The following SPATA6 variants were observed in gnomAD, a reference collection of about 807,000 sequenced individuals.
SPATA6 encodes the protein spermatogenesis associated 6.
SPATA6 carries 56 observed loss-of-function variants against 65.3 expected under a neutral mutation model. The observed-to-expected ratio is 0.86, with a 90% CI of 0.69 to 1.07. The LOEUF (loss-of-function observed/expected upper bound fraction) is 1.07, where lower values mean the gene tolerates loss of function less well. Ranked by LOEUF, SPATA6 falls within the 50% of genes least tolerant of loss-of-function variation. The pLI, the probability that SPATA6 is intolerant of heterozygous loss-of-function variation, is 0.00. For missense variants in SPATA6, 590 were observed against 594.8 expected (o/e 0.99, Z 0.08); for synonymous variants, 199 against 213.2 (o/e 0.93, Z 0.58).
the SPATA6 span, among the ~76,000 whole-genome samples, chr1:48,267,250 C>T: frequency 6.6e-6 from 1 of 152,098 alleles, no homozygotes; most frequent in South Asian, 2.1e-4. Context: ...ACGGCTGCAT[C>T]TAGGGTTTAG....
chr1:48,315,499 C>G (rs1042276030), intron 11 of SPATA6, among the ~76,000 whole-genome samples: 4 of 152,114 alleles, frequency 2.6e-5, no homozygotes, highest in Non-Finnish European at 5.9e-5. Flanking sequence ...AACCTTCATG[C>G]TAAAAACTCT....
At chr1:48,285,107 T>G in the SPATA6 span, among the ~76,000 whole-genome samples, 1 of 152,268 alleles carries the variant, frequency 6.6e-6, no homozygotes, top group Non-Finnish European at 1.5e-5. Context: ...GCTGCTGACT[T>G]TCTTTCAGAG....
At chr1:48,459,432 AAC>A (rs1283100977) in intron 1 of SPATA6, among the ~76,000 whole-genome samples, 3 of 152,154 alleles carry the variant, frequency 2.0e-5, no homozygotes, top group Non-Finnish European at 4.4e-5. Context: ...TTGATTTACT[AAC>A]ACAATCAAAT....
intron 11 of SPATA6, among the ~76,000 whole-genome samples, chr1:48,347,406 T>C (rs888771433): frequency 1.3e-5 from 2 of 148,858 alleles, no homozygotes; most frequent in African/African-American, 4.9e-5. Context: ...TACGGGCCTA[T>C]GTATATATAA....
chr1:48,264,370 A>G, the SPATA6 span, among the ~76,000 whole-genome samples: 1 of 151,866 alleles, frequency 6.6e-6, no homozygotes, highest in Non-Finnish European at 1.5e-5. Context: ...CATATTAAAA[A>G]TCTTTTTTTG....
the SPATA6 span, among the ~76,000 whole-genome samples, chr1:48,275,835 A>C: frequency 6.6e-6 from 1 of 152,150 alleles, no homozygotes; most frequent in African/African-American, 2.4e-5. Flanking sequence ...TATCAGGATG[A>C]TGCTGGACTC....
At chr1:48,286,796 G>T in the SPATA6 span, among the ~76,000 whole-genome samples, 1 of 152,074 alleles carries the variant, frequency 6.6e-6, no homozygotes, top group Admixed American at 6.6e-5. Context: ...AGCACTTTGG[G>T]GAGGTCAAGG....
chr1:48,355,017 C>A (rs1646618514), intron 11 of SPATA6, among the ~76,000 whole-genome samples: 1 of 151,988 alleles, frequency 6.6e-6, no homozygotes, highest in Non-Finnish European at 1.5e-5. Flanking sequence ...TATACCCCCC[C>A]AAGACTAATC....
chr1:48,459,355 T>C (rs950767347), intron 1 of SPATA6, among the ~76,000 whole-genome samples: 9 of 151,986 alleles, frequency 5.9e-5, no homozygotes, highest in Admixed American at 5.2e-4. Context: ...TAATATGACA[T>C]AAAGTAGACT....
intron 3 of SPATA6, among the ~76,000 whole-genome samples, chr1:48,420,294 T>C (rs78286000): frequency 0.066 from 10,090 of 152,258 alleles, 428 homozygotes; most frequent in Non-Finnish European, 0.093. Flanking sequence ...ATATTCTTTA[T>C]ACTAGCCTTT....
At chr1:48,401,472 T>TTA (rs1390719522) in intron 6 of SPATA6, among the ~76,000 whole-genome samples, 2 of 152,120 alleles carry the variant, frequency 1.3e-5, no homozygotes, top group African/African-American at 4.8e-5. Context: ...AGTGACTGTG[T>TTA]TATACCATTT....
intron 3 of SPATA6, among the ~76,000 whole-genome samples, chr1:48,442,259 G>A (rs1172816735): frequency 6.6e-6 from 1 of 152,134 alleles, no homozygotes; most frequent in African/African-American, 2.4e-5. Context: ...AACTGGGAAA[G>A]GGAAAAAGAA....
At chr1:48,408,791 T>C (rs775215241) in intron 5 of SPATA6, among the ~76,000 whole-genome samples, 6 of 152,166 alleles carry the variant, frequency 3.9e-5, no homozygotes, top group Non-Finnish European at 7.3e-5. Context: ...ATTCCCATTT[T>C]TTAAACCATC....
rs773531346 is a variant in SPATA6, at chr1:48,359,668, T to C, written c.1012A>G (p.Thr338Ala). The change falls in exon 10 of 13, where the codon ACC becomes GCC. Residue 338 changes from threonine to alanine, a missense_variant. By Grantham distance (58) the Thr-to-Ala change is moderately conservative. Transcript: ENST00000371847. The stretch of plus-strand genomic sequence containing the variant: ...GAGGGTGCTGAATGGACTAGCAAGG[T>C]CCTCGCTGAATGCCGGGGCTTACTA... ...SCSKPRHSAR[T>A]LLVHSAPSTM... 6 of 1,613,740 alleles carry C rather than the reference T, an allele frequency of 3.7e-6. No homozygotes were observed. The highest frequency in any genetic ancestry group is 5.1e-6 in the Non-Finnish European group (6 of 1,179,808).
chr1:48,428,849 A>G (rs968217773), intron 3 of SPATA6, among the ~76,000 whole-genome samples: 1 of 131,500 alleles, frequency 7.6e-6, no homozygotes, highest in African/African-American at 2.7e-5. Flanking sequence ...GTGTATATAT[A>G]TGTGTGTATA....
chr1:48,351,246 T>C (rs1363679802), intron 11 of SPATA6, among the ~76,000 whole-genome samples: 1 of 152,022 alleles, frequency 6.6e-6, no homozygotes, highest in African/African-American at 2.4e-5. Context: ...CTCTAGATCC[T>C]TTAGAGTTTT....
the SPATA6 span, among the ~76,000 whole-genome samples, chr1:48,261,614 C>T: frequency 2.6e-5 from 4 of 152,172 alleles, no homozygotes; most frequent in African/African-American, 7.2e-5. Flanking sequence ...CAAAACCACT[C>T]GCGTGAGTCA....
Position 48,453,025 on chromosome 1 carries a change from AG to A in SPATA6, c.157del (p.Leu53TrpfsTer17). On this transcript the variant is annotated frameshift_variant, in exon 2 of 13. Coordinates refer to ENST00000371847, the MANE Select transcript of SPATA6 (RefSeq NM_019073.4). LOFTEE classifies it high-confidence loss of function. ...KTQCVPATFP[L>X]VFNARMVFEK... ...AAACACCATTCTGGCATTGAAGACCAGGGGAAAAGTGGCTGGGACACATTGT... is the reference window on the plus strand; with the variant it reads ...AAACACCATTCTGGCATTGAAGACCAGGGAAAAGTGGCTGGGACACATTGT... The A allele has an allele frequency of 6.2e-7, 1 of 1,613,848 alleles. No individual in the cohort carries two copies. The highest frequency in any genetic ancestry group is 8.5e-7 in the Non-Finnish European group (1 of 1,179,924).
intron 11 of SPATA6, among the ~76,000 whole-genome samples, chr1:48,342,118 C>T (rs1041087803): frequency 6.6e-6 from 1 of 152,118 alleles, no homozygotes; most frequent in Non-Finnish European, 1.5e-5. Flanking sequence ...GTAGGAAATA[C>T]GTTCAGATTT....
Sources: allele counts gnomAD v4.1 joint callset (sites outside exome capture counted in the v4.1 genomes callset), GRCh38; gene constraint gnomAD v4.1.1; transcripts MANE v1.5; gene names NCBI Gene and HGNC (gene_info 2026-07-23, HGNC 2026-07-21).